SCNN1G: variants seen among roughly 807,000 people sequenced by gnomAD.
SCNN1G encodes epithelial sodium channel subunit gamma.
In SCNN1G, 27 loss-of-function variants were observed where a neutral mutation model predicts 64.6. The observed-to-expected ratio is 0.42, with a 90% confidence interval of 0.31 to 0.58. The LOEUF is 0.58. Ranked by LOEUF, SCNN1G falls within the 20% of genes least tolerant of loss-of-function variation. SCNN1G has a pLI of 0.18. For synonymous variants in SCNN1G, 330 were observed against 314.2 expected (o/e 1.05, Z -0.53); for missense variants, 743 against 823.4 (o/e 0.90, Z 1.19).
chr16:23,193,342 T>C (rs1362062724), intron 4 of SCNN1G, among the ~76,000 whole-genome samples: 1 of 151,970 alleles, frequency 6.6e-6, no homozygotes, highest in African/African-American at 2.4e-5. Flanking sequence ...GAGCAGTGGG[T>C]GAGACATTCT....
intron 3 of SCNN1G, among the ~76,000 whole-genome samples, chr16:23,190,614 AC>A (rs1331593841): frequency 6.6e-6 from 1 of 152,042 alleles, no homozygotes; most frequent in Admixed American, 6.6e-5. Flanking sequence ...TCACCTAATC[AC>A]CCTTTGGCTA....
chr16:23,197,248 T>C lies in SCNN1G; in HGVS notation c.914-16T>C, dbSNP rs1959810042. The C allele has an allele frequency of 1.2e-6, 2 of 1,610,416 alleles. No homozygotes were observed. Among genetic ancestry groups the C allele is most frequent in the Non-Finnish European group, 1.7e-6 (2 of 1,177,420 alleles). On this transcript the variant is annotated splice_polypyrimidine_tract_variant and intron_variant, in intron 5 of 12. Coordinates refer to ENST00000300061, the MANE Select transcript of SCNN1G (RefSeq NM_001039.4). ...TTCCTAGCCTTGGATCACAGCAGGT[T>C]GTCTTATCCTCCCAGGGCTGCAAGT...
At chr16:23,199,240 A>G in intron 6 of SCNN1G, among the ~76,000 whole-genome samples, 1 of 152,242 alleles carries the variant, frequency 6.6e-6, no homozygotes, top group Non-Finnish European at 1.5e-5. Context: ...ATGCAAATAC[A>G]AAATATTTCT....
chr16:23,189,293 G>A, intron 2 of SCNN1G, 78 bp from the exon 3 acceptor site: 1 of 1,471,390 alleles, frequency 6.8e-7, no homozygotes, highest in Non-Finnish European at 9.4e-7. Context: ...CGTGTTGATG[G>A]AAAACAGCCT....
In SCNN1G at chr16:23,214,752, A is replaced by G; in HGVS notation, c.1534A>G (p.Asn512Asp). The change falls in exon 12 of 13, where the codon AAC becomes GAC. Residue 512 changes from asparagine (N) to aspartate (D), a missense_variant. Coordinates refer to ENST00000300061, the MANE Select transcript of SCNN1G (RefSeq NM_001039.4). ...ACTCTTGATATTCTACAAAGACCTGAACCAGAGATCCATCATGGAGAGCCC... is the reference window on the plus strand; with the variant it reads ...ACTCTTGATATTCTACAAAGACCTGGACCAGAGATCCATCATGGAGAGCCC... Reference protein sequence around the residue: ...AKLLIFYKDLNQRSIMESPAN... With the variant: ...AKLLIFYKDLDQRSIMESPAN... 3 of 1,614,168 alleles carry G rather than the reference A, an allele frequency of 1.9e-6. No individual in the cohort carries two copies. In the South Asian group the frequency reaches 3.3e-5, roughly 18 times the overall value.
rs76199117 is a variant in SCNN1G at position 23,196,702 on chromosome 16, G to A, written c.914-562G>A. ...AAGTGAATTGCTGGAGGTCACAGCCGATCCATGGCAGAGCCAGGACTCTGC... is the reference window on the plus strand; with the variant it reads ...AAGTGAATTGCTGGAGGTCACAGCCAATCCATGGCAGAGCCAGGACTCTGC... On this transcript the variant is annotated intron_variant, in intron 5 of 12. Transcript: ENST00000300061. Among the ~76,000 whole-genome samples, 1,086 of 152,290 alleles carry A rather than the reference G, an allele frequency of 7.1e-3. 9 individuals carry two copies. The highest frequency in any genetic ancestry group is 0.013 in the South Asian group (61 of 4,828).
rs78747249 is a variant in SCNN1G, at chr16:23,184,948, A to C, written c.-44-1280A>C. ...TCCCCCACCCCCAATACTAGTGCTC[A>C]CAAGTCTTGGGAAGTGGTCATGTGC... On this transcript the variant is annotated intron_variant, in intron 1 of 12. Coordinates refer to ENST00000300061, the MANE Select transcript of SCNN1G (RefSeq NM_001039.4). Among the ~76,000 whole-genome samples, 19 of 152,304 alleles carry C rather than the reference A, an allele frequency of 1.2e-4. No homozygotes were observed. In the East Asian group the frequency reaches 3.7e-3, roughly 29 times the overall value.
At chr16:23,193,447 A>T (rs1484511376) in intron 4 of SCNN1G, among the ~76,000 whole-genome samples, 3 of 152,116 alleles carry the variant, frequency 2.0e-5, no homozygotes, top group Non-Finnish European at 4.4e-5. Context: ...GGAGTTCGAG[A>T]CCAGCCTGGG....
chr16:23,187,657 C>T (rs1031363838), intron 2 of SCNN1G, among the ~76,000 whole-genome samples: 1 of 152,206 alleles, frequency 6.6e-6, no homozygotes, highest in Non-Finnish European at 1.5e-5. Flanking sequence ...TCTGTAAGCA[C>T]CTCAGCTGCC....
chr16:23,213,382 A>G (rs756193022), intron 11 of SCNN1G, among the ~76,000 whole-genome samples: 2 of 150,944 alleles, frequency 1.3e-5, no homozygotes, highest in African/African-American at 4.9e-5. Flanking sequence ...CCTCCTAAGT[A>G]GCTGGGATTA....
chr16:23,186,481 G>A lies in SCNN1G; in HGVS notation c.210G>A (p.Gln70=). Residue 70 remains glutamine, a synonymous_variant, in exon 2 of 13, where the codon CAG becomes CAA. Coordinates refer to ENST00000300061, the MANE Select transcript of SCNN1G (RefSeq NM_001039.4). The part of the protein sequence containing the change: ...TLTAVALILW[Q]CALLVFSFYT... Reference sequence around the variant, plus strand: ...CTGCCGTGGCCCTCATCCTCTGGCAGTGCGCCCTCCTCGTCTTCTCCTTCT... The same window carrying A: ...CTGCCGTGGCCCTCATCCTCTGGCAATGCGCCCTCCTCGTCTTCTCCTTCT... 6.2e-7 allele frequency: 1 copy of A among 1,614,162 alleles called. No homozygotes were observed. The highest frequency in any genetic ancestry group is 8.5e-7 in the Non-Finnish European group (1 of 1,180,030).
At chr16:23,211,249 C>T (rs11648257) in intron 7 of SCNN1G, among the ~76,000 whole-genome samples, 32,173 of 152,068 alleles carry the variant, frequency 0.21, 3,507 homozygotes, top group African/African-American at 0.25. Context: ...TGGATTTGAC[C>T]TGAGTAGCCT....
chr16:23,186,662 G>T, intron 2 of SCNN1G, 74 bp downstream of exon 2: 1 of 1,307,038 alleles, frequency 7.7e-7, no homozygotes, highest in South Asian at 1.2e-5. Context: ...TCCCGAAAGT[G>T]ACACACTGGC....
chr16:23,188,611 C>T (rs914248111), intron 2 of SCNN1G, among the ~76,000 whole-genome samples: 2 of 152,166 alleles, frequency 1.3e-5, no homozygotes, highest in East Asian at 3.8e-4. Flanking sequence ...CAGCAAATCC[C>T]GTTTTACAAA....
chr16:23,197,182 C>T, intron 5 of SCNN1G, 82 bp from the exon 6 acceptor site: 1 of 1,171,524 alleles, frequency 8.5e-7, no homozygotes, highest in East Asian at 2.4e-5. Context: ...GTTTGAAGCT[C>T]CTGAAGCAGT....
rs1959605624 is a variant in SCNN1G, at chr16:23,186,348, A to G, written c.77A>G (p.Lys26Arg). ...PVTGPQAPTI[K>R]ELMRWYCLNT... The stretch of plus-strand genomic sequence containing the variant: ...ACGGGCCCTCAGGCGCCGACCATTA[A>G]AGAGCTGATGCGGTGGTACTGCCTC... The change falls in exon 2 of 13, where the codon AAA becomes AGA. Residue 26 changes from lysine to arginine, a missense_variant. Lys to Arg is a conservative substitution (Grantham distance 26, BLOSUM62 2). Transcript: ENST00000300061. 2.5e-6 allele frequency: 4 copies of G among 1,614,238 alleles called. No individual in the cohort carries two copies. Among genetic ancestry groups the G allele is most frequent in the Non-Finnish European group, 3.4e-6 (4 of 1,180,032 alleles).
At chr16:23,205,469 G>A (rs536055074) in intron 6 of SCNN1G, among the ~76,000 whole-genome samples, 112 of 152,180 alleles carry the variant, frequency 7.4e-4, no homozygotes, top group African/African-American at 2.6e-3. Flanking sequence ...AGGCCAAGGA[G>A]GGCAGATCAC....
intron 3 of SCNN1G, among the ~76,000 whole-genome samples, 198 bp downstream of exon 3, chr16:23,189,869 C>T (rs979347751): frequency 6.6e-6 from 1 of 152,028 alleles, no homozygotes; most frequent in African/African-American, 2.4e-5. Flanking sequence ...GTCAGGAGTT[C>T]GAGACCAGCC....
intron 8 of SCNN1G, among the ~76,000 whole-genome samples, chr16:23,212,435 C>T (rs908915723): frequency 2.0e-5 from 3 of 152,218 alleles, no homozygotes; most frequent in African/African-American, 7.2e-5. Flanking sequence ...CAAGGTCACA[C>T]AGCCAGAAAG....
Sources: allele counts gnomAD v4.1 joint callset (sites outside exome capture counted in the v4.1 genomes callset), GRCh38; gene constraint gnomAD v4.1.1; transcripts MANE v1.5; gene names NCBI Gene and HGNC (gene_info 2026-07-23, HGNC 2026-07-21).